The following EPHA5 variants were observed in gnomAD, a reference collection of about 807,000 sequenced individuals.
EPHA5 encodes the protein ephrin type-A receptor 5.
In EPHA5, 60 loss-of-function variants were observed where a neutral mutation model predicts 105.0. The observed-to-expected ratio is 0.57, with a 90% CI of 0.46 to 0.71. The LOEUF (loss-of-function observed/expected upper bound fraction) is 0.71, where lower values mean the gene tolerates loss of function less well. Ranked by LOEUF, EPHA5 falls within the 30% of genes least tolerant of loss-of-function variation. EPHA5 has a pLI of 0.00. For missense variants in EPHA5, 1,218 were observed against 1,274.7 expected (o/e 0.96, Z 0.68); for synonymous variants, 513 against 449.1 (o/e 1.14, Z -1.80).
At chr4:65,531,728 A>G (rs1735818012) in intron 3 of EPHA5, among the ~76,000 whole-genome samples, 1 of 151,420 alleles carries the variant, frequency 6.6e-6, no homozygotes, top group Admixed American at 6.6e-5. Context: ...CTGATCATAA[A>G]GAGGATATAC....
intron 2 of EPHA5, among the ~76,000 whole-genome samples, chr4:65,609,823 A>G (rs1185143768): frequency 5.3e-5 from 8 of 152,142 alleles, no homozygotes; most frequent in African/African-American, 1.9e-4. Flanking sequence ...AATCAAGAAA[A>G]GTATTTCTTA....
At chr4:65,434,524 T>C (rs968737450) in intron 5 of EPHA5, among the ~76,000 whole-genome samples, 2 of 152,190 alleles carry the variant, frequency 1.3e-5, no homozygotes, top group Non-Finnish European at 2.9e-5. Context: ...ACGGGACTAC[T>C]TAAACATAGT....
intron 5 of EPHA5, among the ~76,000 whole-genome samples, chr4:65,475,209 T>C (rs1261554174): frequency 6.6e-6 from 1 of 152,178 alleles, no homozygotes; most frequent in Non-Finnish European, 1.5e-5. Context: ...AGAGGGGGAA[T>C]AGAATACTCT....
intron 5 of EPHA5, among the ~76,000 whole-genome samples, chr4:65,489,957 T>G (rs1368928866): frequency 6.6e-6 from 1 of 152,146 alleles, no homozygotes; most frequent in African/African-American, 2.4e-5. Context: ...TCATCTGTGT[T>G]GCCAAGCAAG....
At chr4:65,503,908 TACACACAC>T (rs34693427) in intron 3 of EPHA5, among the ~76,000 whole-genome samples, 4,466 of 145,412 alleles carry the variant, frequency 0.031, 81 homozygotes, top group Middle Eastern at 0.036. Flanking sequence ...ATGTGTGTGA[TACACACAC>T]ACACACACAC....
In EPHA5 at chr4:65,585,138, G is replaced by GTC. The variant is rs199841766; in HGVS notation, c.910+16502_910+16503insGA. Among the ~76,000 whole-genome samples, 508 of 151,750 alleles carry GTC rather than the reference G, an allele frequency of 3.3e-3. 2 individuals carry two copies. The highest frequency in any genetic ancestry group is 0.012 in the African/African-American group (481 of 41,422). On this transcript the variant is annotated intron_variant, in intron 3 of 16. Coordinates refer to ENST00000613740, the MANE Select transcript of EPHA5 (RefSeq NM_001281766.3). ...TGTGTGTTTGTGTGTGTGTGTGTGT[G>GTC]TGTGTGTCTGTGTCCAGATCCAATT...
In EPHA5 at chr4:65,602,147, C is replaced by A. The variant is rs939351025; in HGVS notation, c.404G>T (p.Arg135Leu). ...RIFIELKFTLRDCNSLPGGLG... is the reference protein window; with the variant it reads ...RIFIELKFTLLDCNSLPGGLG... ...TCCTCCAGGAAGGCTGTTGCAGTCC[C>A]GCAGGGTAAATTTGAGTTCTATGAA... Residue 135 changes from arginine (R) to leucine (L), a missense_variant, in exon 3 of 17, where the codon CGG becomes CTG. Transcript: ENST00000613740. 6.2e-7 allele frequency: 1 copy of A among 1,613,880 alleles called. No homozygotes were observed. Among genetic ancestry groups the A allele is most frequent in the Non-Finnish European group, 8.5e-7 (1 of 1,180,006 alleles).
At chr4:65,505,993 C>G (rs981089123) in intron 3 of EPHA5, among the ~76,000 whole-genome samples, 1 of 152,122 alleles carries the variant, frequency 6.6e-6, no homozygotes, top group African/African-American at 2.4e-5. Flanking sequence ...AATGCTATCC[C>G]TCCCTGCTCT....
At chr4:65,469,026 G>A (rs1201179346) in intron 5 of EPHA5, among the ~76,000 whole-genome samples, 1 of 152,010 alleles carries the variant, frequency 6.6e-6, no homozygotes, top group Non-Finnish European at 1.5e-5. Flanking sequence ...ACGGGCCCTT[G>A]AGTGTGAAGT....
intron 3 of EPHA5, among the ~76,000 whole-genome samples, chr4:65,531,873 G>T (rs1396535837): frequency 6.6e-6 from 1 of 152,154 alleles, no homozygotes; most frequent in African/African-American, 2.4e-5. Context: ...AGGTCTTTGG[G>T]CTTTCACTTG....
intron 5 of EPHA5, among the ~76,000 whole-genome samples, chr4:65,469,433 A>T (rs765752328): frequency 9.2e-5 from 14 of 152,204 alleles, no homozygotes; most frequent in Non-Finnish European, 1.8e-4. Flanking sequence ...GTGTAAAATG[A>T]TGATGAGTAA....
intron 3 of EPHA5, among the ~76,000 whole-genome samples, chr4:65,549,802 C>T (rs561363974): frequency 2.0e-5 from 3 of 152,116 alleles, no homozygotes; most frequent in Admixed American, 2.0e-4. Flanking sequence ...TTTAAAGAAA[C>T]TTGCATATGT....
chr4:65,343,090 A>C (rs1235038965), intron 14 of EPHA5, among the ~76,000 whole-genome samples: 1 of 152,188 alleles, frequency 6.6e-6, no homozygotes, highest in Admixed American at 6.5e-5. Context: ...CTATACAGTC[A>C]TATACTCTGC....
chr4:65,335,593 G>A (rs1485036655), intron 15 of EPHA5, among the ~76,000 whole-genome samples: 2 of 151,888 alleles, frequency 1.3e-5, no homozygotes, highest in African/African-American at 2.4e-5. Context: ...TTTTTCTTAT[G>A]TTATAATCTT....
chr4:65,441,679 A>G (rs963509441), intron 5 of EPHA5, among the ~76,000 whole-genome samples: 10 of 152,288 alleles, frequency 6.6e-5, no homozygotes, highest in Non-Finnish European at 1.0e-4. Context: ...GCATTTCATT[A>G]CAAAATAACT....
chr4:65,620,014 A>T (rs1745573978), intron 2 of EPHA5, among the ~76,000 whole-genome samples: 1 of 150,296 alleles, frequency 6.7e-6, no homozygotes, highest in Admixed American at 6.6e-5. Context: ...TTTAATCATC[A>T]ATAGTATCAC....
At chr4:65,491,654 G>A (rs1731412221) in intron 4 of EPHA5, among the ~76,000 whole-genome samples, 1 of 151,828 alleles carries the variant, frequency 6.6e-6, no homozygotes, top group Admixed American at 6.6e-5. Context: ...ACTGGGTGTA[G>A]CTTTTAAAAT....
At chr4:65,573,263 T>G (rs1284669978) in intron 3 of EPHA5, among the ~76,000 whole-genome samples, 1 of 149,754 alleles carries the variant, frequency 6.7e-6, no homozygotes, top group Non-Finnish European at 1.5e-5. Flanking sequence ...CACAAAAAAT[T>G]AGCTGGGCGT....
At chr4:65,538,599 AT>A (rs1295841185) in intron 3 of EPHA5, among the ~76,000 whole-genome samples, 1 of 151,672 alleles carries the variant, frequency 6.6e-6, no homozygotes. Flanking sequence ...AAATAAAAAG[AT>A]TAACAGATGG....
Sources: gnomAD v4.1 joint callset for allele counts (sites outside exome capture counted in the v4.1 genomes callset) on GRCh38, gnomAD v4.1.1 for gene constraint, MANE v1.5 for transcripts, NCBI Gene and HGNC (gene_info 2026-07-23, HGNC 2026-07-21) for gene names.